IQSEC3: variants seen among roughly 807,000 people sequenced by gnomAD.
IQSEC3 encodes the protein IQ motif and Sec7 domain ArfGEF 3.
Under a neutral mutation model 105.4 loss-of-function variants are expected in IQSEC3, and 50 were observed. The observed-to-expected ratio is 0.47, with a 90% CI of 0.38 to 0.60. IQSEC3 has a LOEUF of 0.60. IQSEC3 is among the 20% of genes least tolerant of loss of function. IQSEC3 has a pLI of 0.00. For missense variants in IQSEC3, 1,415 were observed against 1,630.0 expected (o/e 0.87, Z 2.27); for synonymous variants, 708 against 746.0 (o/e 0.95, Z 0.83).
intron 11 of IQSEC3, among the ~76,000 whole-genome samples, chr12:168,416 CT>C (rs1212071302): frequency 2.0e-5 from 3 of 152,148 alleles, no homozygotes; most frequent in Non-Finnish European, 4.4e-5. Context: ...AGGCTCCGTC[CT>C]CCCAGGCGCC....
At chr12:136,203 G>A (rs368773715) in intron 3 of IQSEC3, among the ~76,000 whole-genome samples, 4 of 152,300 alleles carry the variant, frequency 2.6e-5, no homozygotes, top group South Asian at 2.1e-4. Context: ...GAGTTCCAAC[G>A]ATCTCCAAGG....
intron 2 of IQSEC3, among the ~76,000 whole-genome samples, chr12:99,781 T>C (rs1864361892): frequency 6.6e-6 from 1 of 152,172 alleles, no homozygotes; most frequent in Non-Finnish European, 1.5e-5. Flanking sequence ...CCTCTGTTTT[T>C]TCCTGGGTTA....
intron 5 of IQSEC3, chr12:147,997 T>C (rs1270971291): frequency 1.3e-5 from 2 of 152,128 alleles, no homozygotes; most frequent in Admixed American, 1.3e-4. Flanking sequence ...ATGAAAATGA[T>C]CATGTATTAA....
At chr12:101,184 A>T (rs7296112) in intron 2 of IQSEC3, among the ~76,000 whole-genome samples, 146,355 of 152,214 alleles carry the variant, frequency 0.96, 70,394 homozygotes, top group East Asian at 1. Flanking sequence ...TCAGCCTGCA[A>T]GCTCGCTCAC....
At chr12:93,233 C>T (rs1338491539) in intron 1 of IQSEC3, among the ~76,000 whole-genome samples, 1 of 152,192 alleles carries the variant, frequency 6.6e-6, no homozygotes, top group Non-Finnish European at 1.5e-5. Context: ...CAAAGCTTCA[C>T]TGGGGTTTGA....
intron 2 of IQSEC3, among the ~76,000 whole-genome samples, chr12:104,339 T>A (rs1864568320): frequency 1.3e-5 from 2 of 152,106 alleles, no homozygotes; most frequent in African/African-American, 4.8e-5. Flanking sequence ...TCAAGAGAAA[T>A]CCTCCCATCC....
rs782800691 is a variant in IQSEC3 at position 138,380 on chromosome 12, C to T, written c.1017C>T (p.Arg339=). 7 of 1,612,114 alleles carry T rather than the reference C, an allele frequency of 4.3e-6. No individual in the cohort carries two copies. In the Admixed American group the frequency reaches 1.2e-4, roughly 27 times the overall value. Residue 339 remains arginine (R), a synonymous_variant, in exon 4 of 14, where the codon CGC becomes CGT. Coordinates refer to ENST00000538872, the MANE Select transcript of IQSEC3 (RefSeq NM_001170738.2). This position sits in a 1 kb window ranked among gnomAD's most constrained non-coding sequence, Gnocchi z 7.1. The stretch of plus-strand genomic sequence containing the variant: ...TCAGCAAGAACTTCGAGAAAATCCG[C>T]AACTCGCTTCTGGAGAGCCGCCTGC... ...YQLSKNFEKI[R]NSLLESRLPR... is the part of the protein sequence containing the mutation.
rs1865846606 is a variant in IQSEC3, at chr12:138,170, C to T, written c.904-97C>T. The T allele has an allele frequency of 8.6e-7, 1 of 1,157,018 alleles. No individual in the cohort carries two copies. Among genetic ancestry groups the T allele is most frequent in the African/African-American group, 1.6e-5 (1 of 64,492 alleles). The allele number at this position is 1,157,018 out of a possible 1,614,324, so 71.7% of individuals were successfully genotyped here. A position where few individuals can be genotyped will look rare whatever the true frequency, so the allele number is the denominator to read the frequency against. Reference sequence around the variant, plus strand: ...CCCCCGCCCCCGTCCATTCCTGGGCCCCACCCGAGTGTGGCCGGGTGACTC... The same window carrying T: ...CCCCCGCCCCCGTCCATTCCTGGGCTCCACCCGAGTGTGGCCGGGTGACTC... On this transcript the variant is annotated intron_variant, in intron 3 of 13. Transcript: ENST00000538872. The surrounding 1 kb of genome is among the most constrained non-coding windows in gnomAD (Gnocchi z 7.1).
At position 100,202 on chromosome 12, in the gene IQSEC3, G is replaced by A. The variant is rs11831446; in HGVS notation, c.623+988G>A. Reference sequence around the variant, plus strand: ...AGTGGCATTCACCTATCATCCCGTCGAGTCTCTGAGCTGCTCAGTGGGGCC... The same window carrying A: ...AGTGGCATTCACCTATCATCCCGTCAAGTCTCTGAGCTGCTCAGTGGGGCC... On this transcript the variant is annotated intron_variant, in intron 2 of 13. Coordinates refer to ENST00000538872, the MANE Select transcript of IQSEC3 (RefSeq NM_001170738.2). 5.9e-5 allele frequency among the ~76,000 whole-genome samples: 9 copies of A among 152,060 alleles called. No homozygotes were observed. In the South Asian group the frequency reaches 1.2e-3, roughly 21 times the overall value.
At chr12:126,496 A>G (rs1865415013) in intron 3 of IQSEC3, among the ~76,000 whole-genome samples, 1 of 151,798 alleles carries the variant, frequency 6.6e-6, no homozygotes, top group Admixed American at 6.6e-5. Flanking sequence ...GAACCCCCAA[A>G]AAAGATAATG....
chr12:118,611 T>A (rs1555081164), intron 2 of IQSEC3, among the ~76,000 whole-genome samples: 1 of 150,852 alleles, frequency 6.6e-6, no homozygotes, highest in Admixed American at 6.6e-5. Context: ...GAGTCTCTAG[T>A]AATTACTGTG....
intron 3 of IQSEC3, among the ~76,000 whole-genome samples, chr12:130,302 C>T (rs570846834): frequency 6.6e-6 from 1 of 152,328 alleles, no homozygotes; most frequent in South Asian, 2.1e-4. Flanking sequence ...TGTTATCTCC[C>T]CGGGTCTGCA....
chr12:146,913 C>T (rs540955752), intron 5 of IQSEC3, among the ~76,000 whole-genome samples: 2 of 152,316 alleles, frequency 1.3e-5, no homozygotes, highest in South Asian at 4.1e-4. Flanking sequence ...CCACTCTCTC[C>T]TGCCCCACTC....
chr12:76,920 A>G (rs1253409103), intron 1 of IQSEC3, among the ~76,000 whole-genome samples: 5 of 152,272 alleles, frequency 3.3e-5, no homozygotes, highest in East Asian at 1.9e-4. Flanking sequence ...CCTGCCTCCA[A>G]TCAGGAATGC....
In IQSEC3 at chr12:124,434, G is replaced by T. The variant is rs1018007515; in HGVS notation, c.624-1199G>T. ...AAGAAAAAGAAAGTTTATTTACTGA[G>T]CACATACTCTGTGCTAAGCACCTGA... On this transcript the variant is annotated intron_variant, in intron 2 of 13. Transcript: ENST00000538872. 1.6e-4 allele frequency among the ~76,000 whole-genome samples: 25 copies of T among 151,526 alleles called. 1 individual carries two copies. Among genetic ancestry groups the T allele is most frequent in the Non-Finnish European group, 2.8e-4 (19 of 67,926 alleles).
chr12:147,238 C>G (rs888160064), intron 5 of IQSEC3, among the ~76,000 whole-genome samples: 1 of 152,150 alleles, frequency 6.6e-6, no homozygotes, highest in Admixed American at 6.5e-5. Flanking sequence ...CAGGGCAGGG[C>G]TGTCATATCT....
intron 8 of IQSEC3, 93 bp from the exon 9 acceptor site, chr12:163,401 C>A: frequency 7.1e-7 from 1 of 1,414,674 alleles, no homozygotes; most frequent in Non-Finnish European, 9.4e-7. Flanking sequence ...CCTCCCCTCT[C>A]CCGGGCTGTC....
At chr12:137,328 T>C (rs1555086717) in intron 3 of IQSEC3, 1 of 151,712 alleles carries the variant, frequency 6.6e-6, no homozygotes, top group Non-Finnish European at 1.5e-5. Context: ...CTGTGAGGGT[T>C]TTTAGCATTT....
intron 13 of IQSEC3, chr12:171,440 G>A (rs1158209422): frequency 2.1e-5 from 18 of 852,764 alleles, no homozygotes; most frequent in South Asian, 8.1e-5. Context: ...CGGAGCTCAC[G>A]GCACCCTAGG....
Sources: gnomAD v4.1 joint callset for allele counts (sites outside exome capture counted in the v4.1 genomes callset) on GRCh38, gnomAD v4.1.1 for gene constraint, Gnocchi (gnomAD v3.1) non-coding constraint, MANE v1.5 for transcripts, NCBI Gene and HGNC (gene_info 2026-07-23, HGNC 2026-07-21) for gene names.